Variants in MDFIC2 observed in about 807,000 individuals in gnomAD.
MDFIC2 encodes MyoD family inhibitor domain containing 2.
intron 2 of MDFIC2, among the ~76,000 whole-genome samples, chr3:70,274,681 G>A (rs1471007918): frequency 6.6e-6 from 1 of 152,102 alleles, no homozygotes; most frequent in African/African-American, 2.4e-5. Flanking sequence ...GGATTGTTAG[G>A]TGCAGCCAAC....
At chr3:70,286,214 C>A (rs546946256) in intron 2 of MDFIC2, among the ~76,000 whole-genome samples, 2 of 152,178 alleles carry the variant, frequency 1.3e-5, no homozygotes, top group Non-Finnish European at 2.9e-5. Flanking sequence ...AGTCTTACAT[C>A]CATCTTGAAT....
chr3:70,262,240 A>T (rs982222164), intron 2 of MDFIC2, among the ~76,000 whole-genome samples: 1 of 152,210 alleles, frequency 6.6e-6, no homozygotes, highest in Middle Eastern at 3.2e-3. Context: ...TAATTATACC[A>T]ATAACGTGAG....
intron 2 of MDFIC2, among the ~76,000 whole-genome samples, chr3:70,298,957 C>T (rs1202987002): frequency 1.3e-5 from 2 of 152,106 alleles, no homozygotes; most frequent in Non-Finnish European, 2.9e-5. Flanking sequence ...ATATTTTATG[C>T]AACTAAGCTG....
At chr3:70,298,852 G>A (rs1386144068) in intron 2 of MDFIC2, among the ~76,000 whole-genome samples, 2 of 152,106 alleles carry the variant, frequency 1.3e-5, no homozygotes, top group Non-Finnish European at 2.9e-5. Context: ...TGGTCCTGTT[G>A]TTTACTACCT....
chr3:70,293,045 CAAAAAAAA>C lies in MDFIC2; in HGVS notation c.88+18833_88+18840del, dbSNP rs55990203. ...GAACTTTGATTTCTGTGGTTTGAAG[CAAAAAAAA>C]AAAAAAAAAAAAAAAAAAGTAGCAT... On this transcript the variant is annotated intron_variant, in intron 2 of 3. Coordinates refer to ENST00000567252, the MANE Select transcript of MDFIC2 (RefSeq NM_001364677.1). Among the ~76,000 whole-genome samples the C allele has an allele frequency of 6.6e-3, 496 of 74,784 alleles. 6 individuals carry two copies. The highest frequency in any genetic ancestry group is 0.018 in the African/African-American group (444 of 24,504). The allele number at this position is 74,784 out of a possible 152,430, so 49.1% of individuals were successfully genotyped here.
chr3:70,268,029 TCTCCTCCTCCTC>T (rs201481273), intron 2 of MDFIC2, among the ~76,000 whole-genome samples: 2 of 149,334 alleles, frequency 1.3e-5, no homozygotes, highest in Admixed American at 1.3e-4. Context: ...TCTTCCTCTT[TCTCCTCCTCCTC>T]CTCCTCCTCC....
At chr3:70,296,993 A>G (rs369316699) in intron 2 of MDFIC2, among the ~76,000 whole-genome samples, 44 of 151,782 alleles carry the variant, frequency 2.9e-4, no homozygotes, top group African/African-American at 1.1e-3. Flanking sequence ...ATGCTCCCCA[A>G]CCGCCTCCCC....
chr3:70,256,650 T>A (rs2106657272), intron 2 of MDFIC2, among the ~76,000 whole-genome samples: 1 of 152,280 alleles, frequency 6.6e-6, no homozygotes, highest in Middle Eastern at 3.4e-3. Flanking sequence ...CCTCAAGCCA[T>A]GAGATGCGTC....
At position 70,260,924 on chromosome 3, in the gene MDFIC2, G is replaced by A. The variant is rs147535863; in HGVS notation, c.88+50962C>T. Among the ~76,000 whole-genome samples the A allele has an allele frequency of 6.6e-5, 10 of 152,162 alleles. No homozygotes were observed. In the East Asian group the frequency reaches 1.9e-3, roughly 29 times the overall value. ...AGGACCAATATACTTCTAGCTGATG[G>A]AGAAACTGAGTCCAGGGAAGATAAG... On this transcript the variant is annotated intron_variant, in intron 2 of 3. Coordinates refer to ENST00000567252, the MANE Select transcript of MDFIC2 (RefSeq NM_001364677.1).
intron 2 of MDFIC2, among the ~76,000 whole-genome samples, chr3:70,281,937 C>G (rs563730676): frequency 1.9e-4 from 29 of 152,278 alleles, no homozygotes; most frequent in Middle Eastern, 3.4e-3. Context: ...TTTGATTGTA[C>G]AGTAACACCC....
chr3:70,272,330 A>G (rs990664856), intron 2 of MDFIC2: 2 of 152,154 alleles, frequency 1.3e-5, no homozygotes, highest in Non-Finnish European at 1.5e-5. Flanking sequence ...TTCTGCTACT[A>G]TAGATTAAAT....
In MDFIC2 at chr3:70,294,976, C is replaced by G. The variant is rs528647309; in HGVS notation, c.88+16910G>C. Among the ~76,000 whole-genome samples the G allele has an allele frequency of 5.9e-5, 9 of 152,272 alleles. No individual in the cohort carries two copies. In the South Asian group the frequency reaches 1.9e-3, roughly 32 times the overall value. Reference sequence around the variant, plus strand: ...CTGAAGCAAACAAAAACCCCAAAAACCTTTACTAGAAGCCCCTAGCAGATG... The same window carrying G: ...CTGAAGCAAACAAAAACCCCAAAAAGCTTTACTAGAAGCCCCTAGCAGATG... On this transcript the variant is annotated intron_variant, in intron 2 of 3. Transcript: ENST00000567252.
chr3:70,256,446 T>A (rs1430101243), intron 2 of MDFIC2, among the ~76,000 whole-genome samples: 1 of 152,234 alleles, frequency 6.6e-6, no homozygotes, highest in Non-Finnish European at 1.5e-5. Context: ...CTCTCAATTC[T>A]AATTTAAGGA....
chr3:70,266,359 G>T (rs1701917123), intron 2 of MDFIC2, among the ~76,000 whole-genome samples: 1 of 151,704 alleles, frequency 6.6e-6, no homozygotes, highest in Non-Finnish European at 1.5e-5. Context: ...TAAACATTTT[G>T]GGGCAACTGT....
At chr3:70,274,308 C>T (rs2106674880) in intron 2 of MDFIC2, among the ~76,000 whole-genome samples, 1 of 151,932 alleles carries the variant, frequency 6.6e-6, no homozygotes. Flanking sequence ...TAAATTATCA[C>T]TTATGGAAAT....
intron 2 of MDFIC2, among the ~76,000 whole-genome samples, chr3:70,300,124 C>T (rs1293064812): frequency 6.6e-6 from 1 of 152,100 alleles, no homozygotes; most frequent in African/African-American, 2.4e-5. Context: ...ACCTCTGAAT[C>T]GCATATCTTC....
intron 2 of MDFIC2, among the ~76,000 whole-genome samples, chr3:70,217,524 C>T (rs1019121107): frequency 4.6e-5 from 7 of 152,094 alleles, no homozygotes; most frequent in African/African-American, 1.7e-4. Context: ...GGTTTTACCA[C>T]TAAAATATTT....
At chr3:70,275,485 A>C (rs1425131140) in intron 2 of MDFIC2, among the ~76,000 whole-genome samples, 1 of 152,234 alleles carries the variant, frequency 6.6e-6, no homozygotes, top group East Asian at 1.9e-4. Context: ...ACTGCATTCC[A>C]GAGCCTAGGT....
At chr3:70,284,957 G>A (rs539630843) in intron 2 of MDFIC2, among the ~76,000 whole-genome samples, 1 of 152,160 alleles carries the variant, frequency 6.6e-6, no homozygotes, top group African/African-American at 2.4e-5. Context: ...TGCTTTTGAA[G>A]TTTCATTAAC....
Sources: gnomAD v4.1 joint callset for allele counts (sites outside exome capture counted in the v4.1 genomes callset) on GRCh38, gnomAD v4.1.1 for gene constraint, MANE v1.5 for transcripts, NCBI Gene and HGNC (gene_info 2026-07-23, HGNC 2026-07-21) for gene names.